Variants in CCNL2 observed in about 807,000 individuals in gnomAD.
CCNL2 encodes the protein cyclin-L2.
In CCNL2, 28 loss-of-function variants were observed where a neutral mutation model predicts 59.1. The observed-to-expected ratio is 0.47, with a 90% CI of 0.35 to 0.65. The LOEUF (loss-of-function observed/expected upper bound fraction) is 0.65. Among genes scored for constraint, CCNL2 ranks in the 30% least tolerant of loss-of-function variants. The pLI, the probability that CCNL2 is intolerant of heterozygous loss-of-function variation, is 0.00. For missense variants in CCNL2, 714 were observed against 717.4 expected, an observed-to-expected ratio of 1.00 and a Z score of 0.05; for synonymous variants, 342 against 288.6, an observed-to-expected ratio of 1.19 and a Z score of -1.88.
chr1:1,399,146 AG>A lies in CCNL2; in HGVS notation c.160del (p.Leu54CysfsTer63). 1 of 1,612,350 alleles carries A rather than the reference AG, an allele frequency of 6.2e-7. No homozygotes were observed. Among genetic ancestry groups the A allele is most frequent in the Non-Finnish European group, 8.5e-7 (1 of 1,179,548 alleles). ...CGTGAAACGGAGCTTGTCGTCAGGCAGGAGGCAGTTCTCCAAGGTGATGAGC... is the reference window on the plus strand; with the variant it reads ...CGTGAAACGGAGCTTGTCGTCAGGCAGAGGCAGTTCTCCAAGGTGATGAGC... ...GVLITLENCLLPDDKLRFTPS... is the reference protein window; with the variant it reads ...GVLITLENCLXPDDKLRFTPS... On this transcript the variant is annotated frameshift_variant, in exon 1 of 11. Transcript: ENST00000400809. LOFTEE classifies it high-confidence loss of function.
Position 1,398,417 on chromosome 1 carries a change from G to C in CCNL2, c.364-75C>G, listed in dbSNP as rs1429868277. 5.6e-6 allele frequency: 9 copies of C among 1,604,110 alleles called. No individual in the cohort carries two copies. The Admixed American group carries it at 8.7e-5, about 15-fold the overall frequency. On this transcript the variant is annotated intron_variant, in intron 2 of 10. Coordinates refer to ENST00000400809, the MANE Select transcript of CCNL2 (RefSeq NM_030937.6). Reference sequence around the variant, plus strand: ...TCCTGACGGCCGCCAAAGGCTTGAGGGCTATTCAGACCAAAAGGGAGGTGC... The same window carrying C: ...TCCTGACGGCCGCCAAAGGCTTGAGCGCTATTCAGACCAAAAGGGAGGTGC...
At chr1:1,397,558 C>A (rs1645108302) in intron 3 of CCNL2, among the ~76,000 whole-genome samples, 1 of 152,182 alleles carries the variant, frequency 6.6e-6, no homozygotes, top group African/African-American at 2.4e-5. Context: ...ACAGGAGAAT[C>A]CCCTACAACT....
Position 1,395,044 on chromosome 1 carries a change from T to C in CCNL2, c.594+350A>G, listed in dbSNP as rs573035091. The stretch of plus-strand genomic sequence containing the variant: ...ATGCCACTGCACTCCAGCCTGGCGA[T>C]AGAGCGAAACTCCATCTCAAAAAAA... On this transcript the variant is annotated intron_variant, in intron 4 of 10. Coordinates refer to ENST00000400809, the MANE Select transcript of CCNL2 (RefSeq NM_030937.6). 5.7e-4 allele frequency: 112 copies of C among 196,318 alleles called. 1 individual carries two copies. The highest frequency in any genetic ancestry group is 2.3e-3 in the African/African-American group (96 of 42,594). The allele number at this position is 196,318 out of a possible 1,614,324, so 12.2% of individuals were successfully genotyped here.
intron 1 of CCNL2, 46 bp from the exon 2 acceptor site, chr1:1,398,717 G>C (rs1251997426): frequency 1.9e-6 from 3 of 1,549,734 alleles, no homozygotes; most frequent in African/African-American, 2.7e-5. Flanking sequence ...ACCATTCAAA[G>C]CCTTCGCGGC....
At position 1,387,549 on chromosome 1, in the gene CCNL2, G is replaced by A. The variant is rs1461940283; in HGVS notation, c.1245C>T (p.Ser415=). The change falls in exon 11 of 11, where the codon TCC becomes TCT. Residue 415 remains serine (S), a synonymous_variant. Transcript: ENST00000400809. The stretch of plus-strand genomic sequence containing the variant: ...TGCTCCGGGAGCGGCTCTGCGACTT[G>A]GACCCACCAGATGTGGAGCCGCTGT... ...KSDSGSTSGG[S]KSQSRSRSRS... 2.6e-6 allele frequency: 4 copies of A among 1,523,474 alleles called. No individual in the cohort carries two copies. The highest frequency in any genetic ancestry group is 3.5e-6 in the Non-Finnish European group (4 of 1,137,874). 94.4% of individuals were successfully genotyped at this position (1,523,474 alleles called of 1,614,324 possible). A position where few individuals can be genotyped will look rare whatever the true frequency, so the allele number is the denominator to read the frequency against.
intron 5 of CCNL2, chr1:1,391,125 C>G: frequency 8.0e-7 from 1 of 1,244,052 alleles, no homozygotes; most frequent in Non-Finnish European, 1.0e-6. Context: ...TCAGACAATA[C>G]GTGTTGCTAT....
intron 5 of CCNL2, 181 bp from the exon 6 acceptor site, chr1:1,391,046 T>TA (rs1644737318): frequency 2.0e-6 from 2 of 1,001,888 alleles, no homozygotes; most frequent in Non-Finnish European, 2.8e-6. Flanking sequence ...TAGCTGCTTT[T>TA]TCTAAATACA....
At position 1,391,593 on chromosome 1, in the gene CCNL2, TAGAATC is replaced by T. The variant is rs1273278389; in HGVS notation, c.660-734_660-729del. The T allele has an allele frequency of 4.6e-6, 6 of 1,299,398 alleles. No individual in the cohort carries two copies. The Admixed American group carries it at 1.4e-4, about 30-fold the overall frequency. 80.5% of individuals were successfully genotyped at this position (1,299,398 alleles called of 1,614,324 possible). ...CAAGGGGTCTTAAAATGAACATTCA[TAGAATC>T]AGAAGCAACACAATACTGAGAAGCA... On this transcript the variant is annotated intron_variant, in intron 5 of 10. Coordinates refer to ENST00000400809, the MANE Select transcript of CCNL2 (RefSeq NM_030937.6).
At position 1,387,345 on chromosome 1, in the gene CCNL2, G is replaced by C; in HGVS notation, c.1449C>G (p.Tyr483Ter). Residue 483 changes from tyrosine to a stop codon, truncating the protein, a stop_gained, in exon 11 of 11, where the codon TAC becomes TAG. Coordinates refer to ENST00000400809, the MANE Select transcript of CCNL2 (RefSeq NM_030937.6). LOFTEE classifies it high-confidence loss of function. ...SRERADNPGK[Y>*]KKKSHYYRDQ... is the part of the protein sequence containing the mutation. ...CTCTGTAGTAATGACTTTTCTTCTT[G>C]TATTTTCCCGGATTATCCGCCCGCT... is the stretch of plus-strand genomic sequence containing the variant. 6.2e-7 allele frequency: 1 copy of C among 1,614,162 alleles called. No homozygotes were observed. Among genetic ancestry groups the C allele is most frequent in the Non-Finnish European group, 8.5e-7 (1 of 1,180,044 alleles).
intron 4 of CCNL2, chr1:1,395,098 G>A: frequency 3.1e-6 from 1 of 319,734 alleles, no homozygotes; most frequent in Non-Finnish European, 5.7e-6. Flanking sequence ...TAACTGTAGA[G>A]AAAGGAAAAC....
At chr1:1,398,090 G>T in intron 3 of CCNL2, 143 bp downstream of exon 3, 1 of 741,532 alleles carries the variant, frequency 1.3e-6, no homozygotes, top group Non-Finnish European at 2.2e-6. Context: ...GGCTCTGTTG[G>T]TGGAGCTTGA....
rs757537262 is a variant in CCNL2, at chr1:1,399,204, C to T, written c.103G>A (p.Val35Met). ...SGGAPSGSQGVLIGDRLYSGV... is the reference protein window; with the variant it reads ...SGGAPSGSQGMLIGDRLYSGV... Reference sequence around the variant, plus strand: ...GAGTACAGCCTGTCCCCGATCAGCACCCCCTGCGACCCTGAGGGTGCGCCC... The same window carrying T: ...GAGTACAGCCTGTCCCCGATCAGCATCCCCTGCGACCCTGAGGGTGCGCCC... Residue 35 changes from valine to methionine, a missense_variant, in exon 1 of 11, where the codon GTG becomes ATG. By Grantham distance (21) the Val-to-Met change is conservative (BLOSUM62 1). Transcript: ENST00000400809. 3.1e-6 allele frequency: 5 copies of T among 1,606,120 alleles called. No homozygotes were observed. Among genetic ancestry groups the T allele is most frequent in the Non-Finnish European group, 4.2e-6 (5 of 1,177,468 alleles).
At chr1:1,393,169 G>T in intron 5 of CCNL2, 1 of 588,892 alleles carries the variant, frequency 1.7e-6, no homozygotes, top group Non-Finnish European at 3.0e-6. Flanking sequence ...CAGGGTGGGG[G>T]ACACAGGAAG....
At position 1,390,862 on chromosome 1, in the gene CCNL2, A is replaced by G. The variant is rs1375427613; in HGVS notation, c.663T>C (p.Asn221=). The change falls in exon 6 of 11, where the codon AAT becomes AAC. Residue 221 remains asparagine, a synonymous_variant. Coordinates refer to ENST00000400809, the MANE Select transcript of CCNL2 (RefSeq NM_030937.6). ...CGGTGCGAAGGCTGTCGTTCATGTA[A>G]TTCCTGGAAGCCAAACACAGGAAGA... ...RNQHLVQTSW[N]YMNDSLRTDV... The G allele has an allele frequency of 2.5e-6, 4 of 1,613,854 alleles. No homozygotes were observed. In the South Asian group the frequency reaches 3.3e-5, roughly 13 times the overall value.
At chr1:1,394,206 G>C (rs1159431272) in intron 4 of CCNL2, among the ~76,000 whole-genome samples, 3 of 151,724 alleles carry the variant, frequency 2.0e-5, no homozygotes, top group African/African-American at 7.3e-5. Flanking sequence ...CGAACAAGCA[G>C]ATGAGGAAAC....
chr1:1,389,691 G>A (rs182719557), intron 8 of CCNL2, among the ~76,000 whole-genome samples: 4 of 152,232 alleles, frequency 2.6e-5, no homozygotes, highest in East Asian at 1.9e-4. Flanking sequence ...TGGGCACGGT[G>A]GCTCACGCCT....
intron 3 of CCNL2, among the ~76,000 whole-genome samples, chr1:1,395,826 G>A (rs750517199): frequency 5.3e-5 from 8 of 152,144 alleles, no homozygotes; most frequent in African/African-American, 1.7e-4. Context: ...TGTGACTCAC[G>A]ATAGGAAGGT....
intron 5 of CCNL2, chr1:1,392,892 A>G: frequency 1.5e-6 from 2 of 1,361,994 alleles, no homozygotes; most frequent in Non-Finnish European, 2.1e-6. Context: ...CAGCAAAAAT[A>G]TGACCCTTAC....
intron 3 of CCNL2, 74 bp downstream of exon 3, chr1:1,398,159 A>G (rs1354759641): frequency 2.1e-6 from 3 of 1,400,260 alleles, no homozygotes; most frequent in Non-Finnish European, 3.0e-6. Context: ...GTGTTATACA[A>G]GCCTTACTGT....
Sources: gnomAD v4.1 joint callset for allele counts (sites outside exome capture counted in the v4.1 genomes callset) on GRCh38, gnomAD v4.1.1 for gene constraint, MANE v1.5 for transcripts, NCBI Gene and HGNC (gene_info 2026-07-23, HGNC 2026-07-21) for gene names.